The following SERPINB13 variants were observed in gnomAD, a reference collection of about 807,000 sequenced individuals.
SERPINB13 encodes the protein serpin B13.
SERPINB13 carries 26 observed loss-of-function variants against 31.2 expected under a neutral mutation model. The observed-to-expected ratio is 0.83, with a 90% confidence interval of 0.61 to 1.15. SERPINB13 has a LOEUF of 1.15. SERPINB13 is among the 50% of genes most tolerant of loss of function. SERPINB13 has a pLI of 0.00. For missense variants in SERPINB13, 510 were observed against 469.4 expected, an observed-to-expected ratio of 1.09 and a Z score of -0.80; for synonymous variants, 191 against 172.4, an observed-to-expected ratio of 1.11 and a Z score of -0.85.
In SERPINB13 at chr18:63,597,625, T is replaced by C. The variant is rs1357552910; in HGVS notation, c.*262T>C. ...ATCTCCCTTTGGTTTCCTTTGAAAG[T>C]AAATTGGTATCTTGTAGTTTTGTGC... is the stretch of plus-strand genomic sequence containing the variant. On this transcript the variant is annotated 3_prime_UTR_variant, in exon 8 of 8. Transcript: ENST00000344731. 1.2e-4 allele frequency: 47 copies of C among 387,860 alleles called. 1 individual carries two copies. The Admixed American group carries it at 1.8e-3, about 15-fold the overall frequency. The allele number at this position is 387,860 out of a possible 1,614,324, so 24.0% of individuals were successfully genotyped here. A position where few individuals can be genotyped will look rare whatever the true frequency, so the allele number is the denominator to read the frequency against.
chr18:63,589,574 A>T (rs1911726840), intron 2 of SERPINB13, 82 bp from the exon 3 acceptor site: 1 of 1,528,530 alleles, frequency 6.5e-7, no homozygotes, highest in African/African-American at 1.4e-5. Context: ...TTTCTTTCAG[A>T]AGCGTCCACT....
At chr18:63,589,771 T>C (rs755813019) in intron 3 of SERPINB13, 56 bp downstream of exon 3, 6 of 1,612,378 alleles carry the variant, frequency 3.7e-6, no homozygotes, top group Non-Finnish European at 4.2e-6. Flanking sequence ...CAAACTTCAG[T>C]AGAGTTGCAT....
rs538580758 is a variant in SERPINB13 at position 63,597,647 on chromosome 18, G to T, written c.*284G>T. ...AAGTAAATTGGTATCTTGTAGTTTT[G>T]TGCACACGAAAGGAGAGAAAGTCTC... On this transcript the variant is annotated 3_prime_UTR_variant, in exon 8 of 8. Coordinates refer to ENST00000344731, the MANE Select transcript of SERPINB13 (RefSeq NM_012397.4). 6 of 330,362 alleles carry T rather than the reference G, an allele frequency of 1.8e-5. No individual in the cohort carries two copies. In the South Asian group the frequency reaches 3.3e-4, roughly 18 times the overall value. 20.5% of individuals were successfully genotyped at this position (330,362 alleles called of 1,614,324 possible).
At chr18:63,595,675 G>A (rs1053567349) in intron 7 of SERPINB13, among the ~76,000 whole-genome samples, 49 of 152,110 alleles carry the variant, frequency 3.2e-4, no homozygotes, top group African/African-American at 1.1e-3. Context: ...TGAGGCGGGC[G>A]GATCACGAGG....
At position 63,592,872 on chromosome 18, in the gene SERPINB13, G is replaced by A. The variant is rs753451571; in HGVS notation, c.373G>A (p.Glu125Lys). ...CCTAAAGAAATACTTAGATTATGTT[G>A]AAAAATATTATCATGCATCTCTGGA... ...LFLQKYLDYV[E>K]KYYHASLEPV... The change falls in exon 5 of 8, where the codon GAA (glutamate) becomes AAA (lysine). Residue 125 changes from glutamate to lysine, a missense_variant. By Grantham distance (56) the Glu-to-Lys change is moderately conservative. Transcript: ENST00000344731. 1.3e-6 allele frequency: 2 copies of A among 1,598,472 alleles called. No individual in the cohort carries two copies. The highest frequency in any genetic ancestry group is 1.7e-6 in the Non-Finnish European group (2 of 1,172,024).
At chr18:63,587,641 G>A (rs1032701324) in intron 1 of SERPINB13, among the ~76,000 whole-genome samples, 191 bp downstream of exon 1, 1 of 152,232 alleles carries the variant, frequency 6.6e-6, no homozygotes, top group Non-Finnish European at 1.5e-5. Flanking sequence ...GAGTTAACCT[G>A]TAAAGGATCT....
intron 5 of SERPINB13, among the ~76,000 whole-genome samples, chr18:63,593,503 C>T (rs548674614): frequency 5.3e-5 from 8 of 152,122 alleles, no homozygotes; most frequent in African/African-American, 9.7e-5. Flanking sequence ...GCAGGGGTAA[C>T]GACAACCTAC....
chr18:63,595,526 C>T (rs1215539748), intron 7 of SERPINB13, among the ~76,000 whole-genome samples: 1 of 152,152 alleles, frequency 6.6e-6, no homozygotes, highest in African/African-American at 2.4e-5. Flanking sequence ...GCACACTGTT[C>T]AATAGGCTTT....
At chr18:63,589,039 T>A (rs1178501407) in intron 2 of SERPINB13, among the ~76,000 whole-genome samples, 1 of 152,194 alleles carries the variant, frequency 6.6e-6, no homozygotes, top group Non-Finnish European at 1.5e-5. Flanking sequence ...TGCTCCCAGA[T>A]GCTTGAAATT....
intron 7 of SERPINB13, among the ~76,000 whole-genome samples, chr18:63,596,348 GA>G (rs1486194499): frequency 2.6e-5 from 4 of 152,102 alleles, no homozygotes; most frequent in Non-Finnish European, 5.9e-5. Context: ...TAATGCAGAA[GA>G]AAAAAGTTGC....
rs1244016147 is a variant in SERPINB13 at position 63,589,865 on chromosome 18, C to T, written c.225+150C>T. The T allele has an allele frequency of 8.5e-6, 12 of 1,416,242 alleles. No homozygotes were observed. In the Admixed American group the frequency reaches 3.1e-4, roughly 36 times the overall value. The allele number at this position is 1,416,242 out of a possible 1,614,324, so 87.7% of individuals were successfully genotyped here. The stretch of plus-strand genomic sequence containing the variant: ...CTTTACTATTAAGCAATAATAATCA[C>T]CATAGACAAATATTGTTGTAAGGAT... On this transcript the variant is annotated intron_variant, in intron 3 of 7. Transcript: ENST00000344731.
At position 63,594,497 on chromosome 18, in the gene SERPINB13, G is replaced by C; in HGVS notation, c.615G>C (p.Lys205Asn). 6.2e-7 allele frequency: 1 copy of C among 1,613,420 alleles called. No homozygotes were observed. The highest frequency in any genetic ancestry group is 8.5e-7 in the Non-Finnish European group (1 of 1,179,750). ...NTKEEKFWMN[K>N]STSKSVQMMT... ...AGGAAGAGAAATTTTGGATGAATAA[G>C]GTATGGCCCTTAGTTTATTTTCGTG... The change falls in exon 6 of 8, where the codon AAG becomes AAC. Residue 205 changes from lysine (K) to asparagine (N), a missense_variant and splice_region_variant. Coordinates refer to ENST00000344731, the MANE Select transcript of SERPINB13 (RefSeq NM_012397.4).
At chr18:63,589,583 C>G in intron 2 of SERPINB13, 73 bp from the exon 3 acceptor site, 1 of 1,558,044 alleles carries the variant, frequency 6.4e-7, no homozygotes, top group Non-Finnish European at 8.7e-7. Context: ...GAAGCGTCCA[C>G]TCTCCCCTGA....
At chr18:63,595,223 T>G in intron 7 of SERPINB13, 39 bp downstream of exon 7, 1 of 1,571,758 alleles carries the variant, frequency 6.4e-7, no homozygotes, top group Non-Finnish European at 8.6e-7. Context: ...TTTCATTTCC[T>G]AAGGCTTTTT....
rs1912331118 is a variant in SERPINB13, at chr18:63,598,727, A to G, written c.*1364A>G. The G allele has an allele frequency of 6.6e-6, 1 of 152,238 alleles. No individual in the cohort carries two copies. The highest frequency in any genetic ancestry group is 2.4e-5 in the African/African-American group (1 of 41,468). The allele number at this position is 152,238 out of a possible 1,614,324, so 9.4% of individuals were successfully genotyped here. ...ATAATGTTGCTCTGAACATGTAAAT[A>G]AAGATCTTTGTGTTCACATATGTTT... On this transcript the variant is annotated 3_prime_UTR_variant, in exon 8 of 8. Transcript: ENST00000344731.
chr18:63,594,932 T>G, intron 6 of SERPINB13, 97 bp from the exon 7 acceptor site: 1 of 1,149,278 alleles, frequency 8.7e-7, no homozygotes, highest in Non-Finnish European at 1.2e-6. Context: ...GGGTTTTATT[T>G]TAGATTGAGC....
In SERPINB13 at chr18:63,594,298, A is replaced by G. The variant is rs914830313; in HGVS notation, c.473-57A>G. The stretch of plus-strand genomic sequence containing the variant: ...AGTCCATCTGCATCATATTTGTCAT[A>G]CATATTATTTGTCATTTGGAAGATG... On this transcript the variant is annotated intron_variant, in intron 5 of 7. Coordinates refer to ENST00000344731, the MANE Select transcript of SERPINB13 (RefSeq NM_012397.4). 1.9e-6 allele frequency: 3 copies of G among 1,608,318 alleles called. No homozygotes were observed. In the African/African-American group the frequency reaches 4.0e-5, roughly 21 times the overall value.
chr18:63,588,880 T>G, intron 2 of SERPINB13, 48 bp downstream of exon 2: 1 of 1,507,630 alleles, frequency 6.6e-7, no homozygotes, highest in Non-Finnish European at 8.9e-7. Context: ...ACAAATTCAT[T>G]TGGCGGGGGG....
chr18:63,592,580 C>A, intron 4 of SERPINB13, 104 bp downstream of exon 4: 4 of 1,185,970 alleles, frequency 3.4e-6, no homozygotes, highest in African/African-American at 1.5e-5. Context: ...GCTCTGGCCA[C>A]ATCCCTGTGG....
Sources: allele counts gnomAD v4.1 joint callset (sites outside exome capture counted in the v4.1 genomes callset), GRCh38; gene constraint gnomAD v4.1.1; transcripts MANE v1.5; gene names NCBI Gene and HGNC (gene_info 2026-07-23, HGNC 2026-07-21).